Variants in ADGRL2 observed in about 807,000 individuals in gnomAD.
ADGRL2 encodes calcium-independent alpha-latrotoxin receptor 2.
ADGRL2 carries 44 observed loss-of-function variants against 157.4 expected under a neutral mutation model. The observed-to-expected ratio is 0.28, with a 90% CI of 0.22 to 0.36. ADGRL2 has a LOEUF of 0.36. Among genes scored for constraint, ADGRL2 ranks in the 10% least tolerant of loss-of-function variants. ADGRL2 has a pLI of 1.00. For missense variants in ADGRL2, 1,510 were observed against 1,768.9 expected (o/e 0.85, Z 2.63); for synonymous variants, 585 against 624.7 (o/e 0.94, Z 0.95).
At chr1:81,595,259 T>C (rs2148607244) in intron 3 of ADGRL2, among the ~76,000 whole-genome samples, 1 of 152,306 alleles carries the variant, frequency 6.6e-6, no homozygotes, top group Non-Finnish European at 1.5e-5. Flanking sequence ...AGTCAGTCAA[T>C]ATATAAATGA....
intron 1 of ADGRL2, among the ~76,000 whole-genome samples, chr1:81,825,657 C>CAA (rs71085375): frequency 0.25 from 21,698 of 86,588 alleles, 3,497 homozygotes; most frequent in Middle Eastern, 0.38. Context: ...ACCCTGTCTC[C>CAA]AAAAAAAAAA....
chr1:81,607,463 C>T (rs1381309602), intron 3 of ADGRL2, among the ~76,000 whole-genome samples: 2 of 152,044 alleles, frequency 1.3e-5, no homozygotes, highest in African/African-American at 2.4e-5. Context: ...CTAGACAAGG[C>T]CAGTGATTCA....
chr1:81,693,356 C>G (rs866539965), intron 3 of ADGRL2, among the ~76,000 whole-genome samples: 1 of 152,170 alleles, frequency 6.6e-6, no homozygotes. Context: ...CCTCCTCTCC[C>G]TCAACCATCA....
At chr1:81,500,847 A>G (rs1206504866) in intron 2 of ADGRL2, among the ~76,000 whole-genome samples, 1 of 152,182 alleles carries the variant, frequency 6.6e-6, no homozygotes, top group African/African-American at 2.4e-5. Context: ...TTTTCCCAAA[A>G]TAAAAAAGAT....
At chr1:81,851,909 G>A (rs961375429) in intron 2 of ADGRL2, among the ~76,000 whole-genome samples, 1 of 151,910 alleles carries the variant, frequency 6.6e-6, no homozygotes, top group Middle Eastern at 3.2e-3. Flanking sequence ...TAAATGCAGA[G>A]TACAACTATA....
rs1018046044 is a variant in ADGRL2 at position 81,503,222 on chromosome 1, C to T, written c.-248+58133C>T. On this transcript the variant is annotated intron_variant, in intron 2 of 24. Coordinates refer to the ADGRL2 transcript ENST00000370721. ...AACGGCAGGGAAGACAGAGCAGAGG[C>T]CTCGGCTGCAGCACTGAACCTGACC... is the stretch of plus-strand genomic sequence containing the variant. 4 of 1,614,084 alleles carry T rather than the reference C, an allele frequency of 2.5e-6. No homozygotes were observed. In the African/African-American group the frequency reaches 5.3e-5, roughly 22 times the overall value.
In ADGRL2 at chr1:81,859,919, T is replaced by G. The variant is rs571952414; in HGVS notation, c.73+22862T>G. On this transcript the variant is annotated intron_variant, in intron 2 of 23. Transcript: ENST00000686636. The stretch of plus-strand genomic sequence containing the variant: ...AACATTTTCTTGGAATGTTTCACTG[T>G]TTTTTTTTTCCCCCATAAAAAACGG... 1.5e-3 allele frequency among the ~76,000 whole-genome samples: 216 copies of G among 147,612 alleles called. 9 individuals are homozygous for G. The South Asian group carries it at 0.041, about 28-fold the overall frequency.
rs555685405 is a variant in ADGRL2, at chr1:81,368,891, C to T, written c.-302+62382C>T. 1.8e-4 allele frequency among the ~76,000 whole-genome samples: 28 copies of T among 152,240 alleles called. No individual in the cohort carries two copies. The South Asian group carries it at 5.6e-3, about 30-fold the overall frequency. On this transcript the variant is annotated intron_variant, in intron 1 of 24. Transcript: ENST00000370721. Reference sequence around the variant, plus strand: ...ACTTGAGCTAGCTCTTATTTGTCATCCTTTTTTTACATAATTCCCTTATAA... The same window carrying T: ...ACTTGAGCTAGCTCTTATTTGTCATTCTTTTTTTACATAATTCCCTTATAA...
At chr1:81,447,762 C>G (rs191193599) in intron 2 of ADGRL2, among the ~76,000 whole-genome samples, 1 of 152,122 alleles carries the variant, frequency 6.6e-6, no homozygotes, top group Non-Finnish European at 1.5e-5. Context: ...TACATGTATG[C>G]GTATGCCTCT....
At chr1:81,831,289 TA>T in intron 1 of ADGRL2, among the ~76,000 whole-genome samples, 1 of 152,184 alleles carries the variant, frequency 6.6e-6, no homozygotes, top group Admixed American at 6.5e-5. Context: ...GGCACTTTAG[TA>T]ATATAAATGA....
chr1:81,462,453 A>G (rs2101813544), intron 2 of ADGRL2, among the ~76,000 whole-genome samples: 1 of 150,644 alleles, frequency 6.6e-6, no homozygotes, highest in Non-Finnish European at 1.5e-5. Flanking sequence ...AGCGAGACCA[A>G]GAACCCACCA....
chr1:81,332,200 T>C (rs1045407397), intron 1 of ADGRL2, among the ~76,000 whole-genome samples: 4 of 152,186 alleles, frequency 2.6e-5, no homozygotes, highest in African/African-American at 9.6e-5. Flanking sequence ...AATCACAGCA[T>C]AAGTTTTATA....
At chr1:81,987,452 A>G (rs1663507516) in intron 22 of ADGRL2, 1 of 782,632 alleles carries the variant, frequency 1.3e-6, no homozygotes, top group African/African-American at 1.7e-5. Flanking sequence ...GCTATAGAAA[A>G]CCACATTCAG....
At chr1:81,752,377 G>C (rs112470453) in intron 1 of ADGRL2, among the ~76,000 whole-genome samples, 2,264 of 152,258 alleles carry the variant, frequency 0.015, 31 homozygotes, top group South Asian at 0.038. Flanking sequence ...GACACATTTG[G>C]AGGTGTAGAA....
chr1:81,692,938 A>G (rs1289266444), intron 3 of ADGRL2, among the ~76,000 whole-genome samples: 1 of 151,678 alleles, frequency 6.6e-6, no homozygotes, highest in Admixed American at 6.6e-5. Context: ...TTATACCCAC[A>G]CTCCTCATTC....
intron 1 of ADGRL2, among the ~76,000 whole-genome samples, chr1:81,758,483 A>G (rs2085765207): frequency 1.3e-5 from 2 of 152,118 alleles, no homozygotes; most frequent in African/African-American, 4.8e-5. Flanking sequence ...TGTTTTTCTC[A>G]TTTAGTCTGT....
chr1:81,307,509 AAT>A (rs1659427000), intron 1 of ADGRL2, among the ~76,000 whole-genome samples: 1 of 152,188 alleles, frequency 6.6e-6, no homozygotes, highest in Non-Finnish European at 1.5e-5. Flanking sequence ...CAATAAATGC[AAT>A]ATGTCTTTGA....
intron 3 of ADGRL2, among the ~76,000 whole-genome samples, chr1:81,670,997 G>A (rs947022218): frequency 3.3e-5 from 5 of 152,258 alleles, no homozygotes; most frequent in South Asian, 2.1e-4. Flanking sequence ...GGCTTGAGCC[G>A]TCACACCTGG....
intron 1 of ADGRL2, among the ~76,000 whole-genome samples, chr1:81,753,827 C>T (rs1387865148): frequency 4.6e-5 from 7 of 152,082 alleles, no homozygotes; most frequent in Non-Finnish European, 1.0e-4. Context: ...GGAAAGTTGT[C>T]ATTATTACTC....
Sources: allele counts gnomAD v4.1 joint callset (sites outside exome capture counted in the v4.1 genomes callset), GRCh38; gene constraint gnomAD v4.1.1; transcripts MANE v1.5; gene names NCBI Gene and HGNC (gene_info 2026-07-23, HGNC 2026-07-21).